Variants in KIAA1549 observed in about 807,000 individuals in gnomAD.
KIAA1549 encodes the protein KIAA1549.
KIAA1549 carries 70 observed loss-of-function variants against 156.4 expected under a neutral mutation model. The observed-to-expected ratio is 0.45, with a 90% CI of 0.37 to 0.55. The LOEUF (loss-of-function observed/expected upper bound fraction) is 0.55. Ranked by LOEUF, KIAA1549 falls within the 20% of genes least tolerant of loss-of-function variation. The probability of loss-of-function intolerance (pLI) is 0.00; values close to 1 mark genes in which losing one functional copy is unlikely to be tolerated. For missense variants in KIAA1549, 2,428 were observed against 2,540.9 expected (o/e 0.96, Z 0.96); for synonymous variants, 1,103 against 1,066.4 (o/e 1.03, Z -0.67).
chr7:138,913,937 G>A (rs1812240888), intron 2 of KIAA1549, among the ~76,000 whole-genome samples: 1 of 151,318 alleles, frequency 6.6e-6, no homozygotes. Flanking sequence ...AGGGAGACAG[G>A]AGGGAGGAGG....
Position 138,877,211 on chromosome 7 carries a change from AGG to A in KIAA1549, c.4345+2325_4345+2326del, listed in dbSNP as rs1489049993. Among the ~76,000 whole-genome samples, 324 of 152,356 alleles carry A rather than the reference AGG, an allele frequency of 2.1e-3. 4 individuals are homozygous for A. Among genetic ancestry groups the A allele is most frequent in the African/African-American group, 7.5e-3 (313 of 41,578 alleles). ...AATATTTTTATGTGAATTATAAAAC[AGG>A]CCGAACATGGTGGCTCACGCCTGTA... On this transcript the variant is annotated intron_variant, in intron 12 of 19. Transcript: ENST00000422774.
chr7:138,903,286 T>A (rs1811894655), intron 8 of KIAA1549, among the ~76,000 whole-genome samples: 1 of 152,144 alleles, frequency 6.6e-6, no homozygotes, highest in Non-Finnish European at 1.5e-5. Flanking sequence ...AAACTACTAT[T>A]TGATAAATGA....
chr7:138,918,947 T>A lies in KIAA1549; in HGVS notation c.679A>T (p.Ser227Cys), dbSNP rs1366301054. 2 of 1,614,048 alleles carry A rather than the reference T, an allele frequency of 1.2e-6. No homozygotes were observed. The highest frequency in any genetic ancestry group is 1.7e-6 in the Non-Finnish European group (2 of 1,179,900). Residue 227 changes from serine (S) to cysteine (C), a missense_variant, in exon 2 of 20, where the codon AGT (serine) becomes TGT (cysteine). By Grantham distance (112) the Ser-to-Cys change is moderately radical. Coordinates refer to ENST00000422774, the MANE Select transcript of KIAA1549 (RefSeq NM_001164665.2). This position sits in a 1 kb window ranked among gnomAD's most constrained non-coding sequence, Gnocchi z 4.2. ...RQPAAYAESASHFHTFRSAFR... is the reference protein window; with the variant it reads ...RQPAAYAESACHFHTFRSAFR... Reference sequence around the variant, plus strand: ...GCTGACCGAAAGGTGTGGAAATGACTGGCGGACTCAGCATATGCCGCTGGT... The same window carrying A: ...GCTGACCGAAAGGTGTGGAAATGACAGGCGGACTCAGCATATGCCGCTGGT...
intron 10 of KIAA1549, among the ~76,000 whole-genome samples, chr7:138,887,898 T>C (rs1041723628): frequency 2.6e-5 from 4 of 152,316 alleles, no homozygotes; most frequent in African/African-American, 7.2e-5. Flanking sequence ...TTTTATTTCA[T>C]AGCTTCCCCT....
At chr7:138,894,757 A>G (rs960002816) in intron 9 of KIAA1549, among the ~76,000 whole-genome samples, 2 of 152,236 alleles carry the variant, frequency 1.3e-5, no homozygotes, top group African/African-American at 2.4e-5. Context: ...ATCCAAAGGT[A>G]CATGGCTGAA....
In KIAA1549 at chr7:138,930,382, C is replaced by T. The variant is rs534636448; in HGVS notation, c.188-10944G>A. Among the ~76,000 whole-genome samples, 113 of 152,310 alleles carry T rather than the reference C, an allele frequency of 7.4e-4. 1 individual carries two copies. Among genetic ancestry groups the T allele is most frequent in the Non-Finnish European group, 3.8e-4 (26 of 68,024 alleles). ...GGCCCCTAACAAGAGAGTCAGCCATCCTTTGAAGCTCTGAAGCCAAGCATT... is the reference window on the plus strand; with the variant it reads ...GGCCCCTAACAAGAGAGTCAGCCATTCTTTGAAGCTCTGAAGCCAAGCATT... On this transcript the variant is annotated intron_variant, in intron 1 of 19. Coordinates refer to ENST00000422774, the MANE Select transcript of KIAA1549 (RefSeq NM_001164665.2).
intron 1 of KIAA1549, among the ~76,000 whole-genome samples, chr7:138,958,644 G>A (rs906282799): frequency 3.3e-5 from 5 of 151,918 alleles, no homozygotes; most frequent in African/African-American, 7.3e-5. Context: ...TCTCCCCCTC[G>A]TTTAGCTTAT....
intron 12 of KIAA1549, among the ~76,000 whole-genome samples, chr7:138,877,104 C>T (rs1458414877): frequency 6.6e-6 from 1 of 152,176 alleles, no homozygotes; most frequent in Non-Finnish European, 1.5e-5. Context: ...TGGAAGAGGG[C>T]TCCATAATGG....
In KIAA1549 at chr7:138,916,881, A is replaced by G. The variant is rs750759081; in HGVS notation, c.2745T>C (p.Ala915=). The part of the protein sequence containing the change: ...ASQSPPESSA[A]PPLPSLRPVT... ...CGGGACGCAGGGATGGCAGGGGAGG[A>G]GCAGCACTACTCTCTGGGGGGCTCT... Residue 915 remains alanine (A), a synonymous_variant, in exon 2 of 20, where the codon GCT becomes GCC. Transcript: ENST00000422774. 4 of 1,613,738 alleles carry G rather than the reference A, an allele frequency of 2.5e-6. No homozygotes were observed. The highest frequency in any genetic ancestry group is 1.7e-5 in the Admixed American group (1 of 59,986).
chr7:138,846,258 G>T (rs1324986601), intron 17 of KIAA1549, among the ~76,000 whole-genome samples: 1 of 152,132 alleles, frequency 6.6e-6, no homozygotes, highest in African/African-American at 2.4e-5. Flanking sequence ...GTTTTGGCCG[G>T]GTGCGGTGGC....
Position 138,871,295 on chromosome 7 carries a change from C to T in KIAA1549, c.4413G>A (p.Arg1471=). The T allele has an allele frequency of 6.2e-7, 1 of 1,608,516 alleles. No homozygotes were observed. ...GGCTAGCCTCCGGGGGGCGGGAGAT[C>T]CTGTCCACGTGCTCGAAGATGGAGG... ...SSASIFEHVD[R]ISRPPEASRR... Residue 1471 remains arginine, a synonymous_variant, in exon 13 of 20, where the codon AGG becomes AGA. Coordinates refer to ENST00000422774, the MANE Select transcript of KIAA1549 (RefSeq NM_001164665.2).
chr7:138,832,191 C>CTTT lies in KIAA1549; in HGVS notation c.*5712_*5714dup, dbSNP rs749938588. ...TCACCTCTGTCCCTTTTACCTATTC[C>CTTT]TTTTTTTTTTTTTTTTTTTTCCAGA... On this transcript the variant is annotated 3_prime_UTR_variant, in exon 20 of 20. Coordinates refer to ENST00000422774, the MANE Select transcript of KIAA1549 (RefSeq NM_001164665.2). The CTTT allele has an allele frequency of 5.9e-3, 851 of 143,712 alleles. 28 individuals carry two copies. Among genetic ancestry groups the CTTT allele is most frequent in the African/African-American group, 0.025 (745 of 29,982 alleles). 8.9% of individuals were successfully genotyped at this position (143,712 alleles called of 1,614,324 possible).
intron 11 of KIAA1549, among the ~76,000 whole-genome samples, chr7:138,880,735 G>A (rs934693769): frequency 1.3e-5 from 2 of 152,166 alleles, no homozygotes; most frequent in African/African-American, 4.8e-5. Flanking sequence ...TTCTCACAGG[G>A]TCAGAGGGTG....
At chr7:138,878,653 T>G (rs1316528496) in intron 12 of KIAA1549, among the ~76,000 whole-genome samples, 1 of 151,658 alleles carries the variant, frequency 6.6e-6, no homozygotes, top group Non-Finnish European at 1.5e-5. Context: ...TCCCAGCTAC[T>G]AAGGAGACTG....
intron 1 of KIAA1549, among the ~76,000 whole-genome samples, chr7:138,969,782 G>A (rs567421545): frequency 6.6e-5 from 10 of 152,118 alleles, no homozygotes; most frequent in East Asian, 1.9e-4. Context: ...TAATAGGGAC[G>A]GGGTTTCACT....
In KIAA1549 at chr7:138,981,056, C is replaced by T; in HGVS notation, c.187+27G>A. On this transcript the variant is annotated intron_variant, in intron 1 of 19. Coordinates refer to ENST00000422774, the MANE Select transcript of KIAA1549 (RefSeq NM_001164665.2). This position sits in a 1 kb window ranked among gnomAD's most constrained non-coding sequence, Gnocchi z 4.5. Reference sequence around the variant, plus strand: ...ATAAAGGCAGGCGGGGTCGCGGCCGCGTTCCGAGGGTCTCGGCGGAGCTTA... The same window carrying T: ...ATAAAGGCAGGCGGGGTCGCGGCCGTGTTCCGAGGGTCTCGGCGGAGCTTA... The T allele has an allele frequency of 2.5e-6, 3 of 1,222,742 alleles. No individual in the cohort carries two copies. Among genetic ancestry groups the T allele is most frequent in the Non-Finnish European group, 3.1e-6 (3 of 981,122 alleles). The allele number at this position is 1,222,742 out of a possible 1,614,324, so 75.7% of individuals were successfully genotyped here.
chr7:138,838,273 A>C, intron 19 of KIAA1549, 113 bp from the exon 20 acceptor site: 16 of 1,155,082 alleles, frequency 1.4e-5, no homozygotes, highest in Non-Finnish European at 1.9e-5. Context: ...CCACCAACTC[A>C]GCCCTCTAAC....
At chr7:138,910,181 TA>T (rs1247136754) in intron 4 of KIAA1549, among the ~76,000 whole-genome samples, 1 of 152,094 alleles carries the variant, frequency 6.6e-6, no homozygotes, top group Non-Finnish European at 1.5e-5. Context: ...AGTGGTCTGT[TA>T]AACTATTCTA....
rs1325544098 is a variant in KIAA1549 at position 138,924,662 on chromosome 7, T to C, written c.188-5224A>G. On this transcript the variant is annotated intron_variant, in intron 1 of 19. Coordinates refer to ENST00000422774, the MANE Select transcript of KIAA1549 (RefSeq NM_001164665.2). ...AGGCAAGCCAAGCTGGGATGCTTTT[T>C]TTTCTTTCTTTCTCTCTGCCAAGCC... is the stretch of plus-strand genomic sequence containing the variant. Among the ~76,000 whole-genome samples the C allele has an allele frequency of 3.3e-5, 5 of 152,104 alleles. No individual in the cohort carries two copies. The East Asian group carries it at 9.6e-4, about 29-fold the overall frequency.
Sources: allele counts gnomAD v4.1 joint callset (sites outside exome capture counted in the v4.1 genomes callset), GRCh38; gene constraint gnomAD v4.1.1; non-coding constraint Gnocchi (gnomAD v3.1); transcripts MANE v1.5; gene names NCBI Gene and HGNC (gene_info 2026-07-23, HGNC 2026-07-21).